Variants in NTPCR observed in about 807,000 individuals in gnomAD.
The protein encoded by NTPCR is cancer-related nucleoside-triphosphatase.
In NTPCR, 15 loss-of-function variants were observed where a neutral mutation model predicts 19.5. The ratio of observed to expected loss-of-function variants is 0.77; its 90% CI spans 0.51 to 1.18. The LOEUF (loss-of-function observed/expected upper bound fraction) is 1.18, where lower values mean the gene tolerates loss of function less well. NTPCR is among the 50% of genes most tolerant of loss of function. The probability of loss-of-function intolerance (pLI) is 0.00; values close to 1 mark genes in which losing one functional copy is unlikely to be tolerated. For synonymous variants in NTPCR, 90 were observed against 95.8 expected (o/e 0.94, Z 0.36); for missense variants, 206 against 240.4 (o/e 0.86, Z 0.95).
intron 3 of NTPCR, among the ~76,000 whole-genome samples, chr1:232,957,707 A>G (rs1472446805): frequency 1.3e-5 from 2 of 152,246 alleles, no homozygotes; most frequent in East Asian, 3.8e-4. Flanking sequence ...CATGAACAAA[A>G]CAGACATGTT....
At chr1:232,973,767 C>T (rs1025086319) in intron 4 of NTPCR, among the ~76,000 whole-genome samples, 3 of 152,094 alleles carry the variant, frequency 2.0e-5, no homozygotes, top group African/African-American at 7.2e-5. Context: ...TAGAACTATA[C>T]AATAGCCAAT....
intron 4 of NTPCR, among the ~76,000 whole-genome samples, chr1:232,971,385 C>T (rs1668973835): frequency 6.6e-6 from 1 of 152,184 alleles, no homozygotes; most frequent in South Asian, 2.1e-4. Context: ...TGAAATGTCA[C>T]CTTGGCCCAC....
At chr1:232,975,470 A>G (rs1375871034) in intron 4 of NTPCR, among the ~76,000 whole-genome samples, 1 of 152,216 alleles carries the variant, frequency 6.6e-6, no homozygotes, top group Non-Finnish European at 1.5e-5. Context: ...ACATGGATGG[A>G]GCAGGCAGGG....
chr1:232,978,043 T>C lies in NTPCR; in HGVS notation c.505-120T>C, dbSNP rs145994299. Reference sequence around the variant, plus strand: ...TGAAGAGCTGGGCCTCCTGCCTGGGTAACAAAACATACCTCACCCTCTCCC... The same window carrying C: ...TGAAGAGCTGGGCCTCCTGCCTGGGCAACAAAACATACCTCACCCTCTCCC... On this transcript the variant is annotated intron_variant, in intron 4 of 4. Transcript: ENST00000366628. 4.9e-4 allele frequency: 363 copies of C among 733,600 alleles called. 1 individual carries two copies. In the East Asian group the frequency reaches 8.1e-3, roughly 16 times the overall value. The allele number at this position is 733,600 out of a possible 1,614,324, so 45.4% of individuals were successfully genotyped here.
At chr1:232,970,312 A>AT (rs1228123680) in intron 4 of NTPCR, among the ~76,000 whole-genome samples, 194 bp downstream of exon 4, 4 of 152,132 alleles carry the variant, frequency 2.6e-5, no homozygotes, top group Non-Finnish European at 5.9e-5. Flanking sequence ...AAACTCGCTT[A>AT]TGGGGGGGCC....
rs1218443205 is a variant in NTPCR at position 232,980,400 on chromosome 1, A to C, written c.*2169A>C. On this transcript the variant is annotated 3_prime_UTR_variant, in exon 5 of 5. Coordinates refer to ENST00000366628, the MANE Select transcript of NTPCR (RefSeq NM_032324.3). The stretch of plus-strand genomic sequence containing the variant: ...CCACGTCTGCGTGGCTCCAAAGTTC[A>C]CTCTTTCATCACTCCCTGCTGCGTC... 2.0e-5 allele frequency: 3 copies of C among 152,020 alleles called. No individual in the cohort carries two copies. The highest frequency in any genetic ancestry group is 7.3e-5 in the African/African-American group (3 of 41,366). The allele number at this position is 152,020 out of a possible 1,614,324, so 9.4% of individuals were successfully genotyped here. A position where few individuals can be genotyped will look rare whatever the true frequency, so the allele number is the denominator to read the frequency against.
intron 3 of NTPCR, 52 bp from the exon 4 acceptor site, chr1:232,969,857 C>T: frequency 6.9e-7 from 1 of 1,452,850 alleles, no homozygotes; most frequent in Non-Finnish European, 9.7e-7. Flanking sequence ...ACCCATGGGC[C>T]CTTTGATTAA....
At chr1:232,963,028 C>T (rs536758791) in intron 3 of NTPCR, 188 of 152,306 alleles carry the variant, frequency 1.2e-3, no homozygotes, top group African/African-American at 4.3e-3. Context: ...TGACAAGCTC[C>T]TCAGCATTGC....
Position 232,978,153 on chromosome 1 carries a change from C to T in NTPCR, c.505-10C>T, listed in dbSNP as rs374865937. Reference sequence around the variant, plus strand: ...AGCTCTGAAGCCTGTTCTCTCACTTCTTCCCACAGGTCACCAAGGAAAACA... The same window carrying T: ...AGCTCTGAAGCCTGTTCTCTCACTTTTTCCCACAGGTCACCAAGGAAAACA... On this transcript the variant is annotated splice_polypyrimidine_tract_variant and intron_variant, in intron 4 of 4. Coordinates refer to ENST00000366628, the MANE Select transcript of NTPCR (RefSeq NM_032324.3). The T allele has an allele frequency of 1.6e-4, 250 of 1,612,556 alleles. 1 individual carries two copies. Among genetic ancestry groups the T allele is most frequent in the Admixed American group, 8.3e-5 (5 of 60,024 alleles).
intron 3 of NTPCR, chr1:232,965,778 C>T (rs1348770959): frequency 6.6e-6 from 1 of 152,198 alleles, no homozygotes; most frequent in African/African-American, 2.4e-5. Flanking sequence ...CCCAAGATAG[C>T]TTGGAAAACC....
At chr1:232,953,724 A>G (rs907610855) in intron 1 of NTPCR, among the ~76,000 whole-genome samples, 3 of 151,814 alleles carry the variant, frequency 2.0e-5, no homozygotes, top group African/African-American at 7.3e-5. Flanking sequence ...TTTTTTCTGT[A>G]GACACGTACT....
intron 3 of NTPCR, chr1:232,963,703 T>A (rs1007495972): frequency 6.6e-6 from 1 of 152,196 alleles, no homozygotes; most frequent in Non-Finnish European, 1.5e-5. Context: ...ACAATTTTTT[T>A]AACTTCATTT....
intron 1 of NTPCR, among the ~76,000 whole-genome samples, chr1:232,952,373 G>C (rs1668389851): frequency 6.6e-6 from 1 of 150,434 alleles, no homozygotes; most frequent in Non-Finnish European, 1.5e-5. Context: ...CCACACCCGG[G>C]TATTTTTTTT....
At chr1:232,967,567 A>G (rs1668855464) in intron 3 of NTPCR, 1 of 152,218 alleles carries the variant, frequency 6.6e-6, no homozygotes, top group African/African-American at 2.4e-5. Flanking sequence ...TGAATGTTCT[A>G]GAGGATTGCA....
At chr1:232,957,818 T>A (rs1194296688) in intron 3 of NTPCR, among the ~76,000 whole-genome samples, 1 of 152,138 alleles carries the variant, frequency 6.6e-6, no homozygotes, top group African/African-American at 2.4e-5. Flanking sequence ...AACAGGGTGC[T>A]ATGAAAGGGA....
chr1:232,973,197 T>A lies in NTPCR; in HGVS notation c.504+3079T>A, dbSNP rs373215132. ...TTATCTAGACTTATTCTTCACAATG[T>A]TGGGTGAACAGAGTACTTTCCAATG... On this transcript the variant is annotated intron_variant, in intron 4 of 4. Coordinates refer to ENST00000366628, the MANE Select transcript of NTPCR (RefSeq NM_032324.3). Among the ~76,000 whole-genome samples the A allele has an allele frequency of 2.2e-3, 333 of 152,266 alleles. 2 individuals carry two copies. Among genetic ancestry groups the A allele is most frequent in the African/African-American group, 7.6e-3 (315 of 41,534 alleles).
rs1296451764 is a variant in NTPCR, at chr1:232,979,412, G to C, written c.*1181G>C. ...GCTGGGCACTGGGGCACAGTGAATG[G>C]GGCGGGAGGGGCTCACATCAAAACC... On this transcript the variant is annotated 3_prime_UTR_variant, in exon 5 of 5. Coordinates refer to ENST00000366628, the MANE Select transcript of NTPCR (RefSeq NM_032324.3). The surrounding 1 kb of genome is among the most constrained non-coding windows in gnomAD (Gnocchi z 5.3). 1 of 152,308 alleles carries C rather than the reference G, an allele frequency of 6.6e-6. No individual in the cohort carries two copies. Among genetic ancestry groups the C allele is most frequent in the East Asian group, 1.9e-4 (1 of 5,194 alleles). 9.4% of individuals were successfully genotyped at this position (152,308 alleles called of 1,614,324 possible). A position where few individuals can be genotyped will look rare whatever the true frequency, so the allele number is the denominator to read the frequency against.
rs1668847512 is a variant in NTPCR, at chr1:232,967,282, C to G, written c.295-2627C>G. ...ATCTTGTACTATTTAGAAAAGCAGG[C>G]TGAGTGTCTACATGCTTCAGAGTGG... On this transcript the variant is annotated intron_variant, in intron 3 of 4. Transcript: ENST00000366628. 2.0e-5 allele frequency: 3 copies of G among 152,098 alleles called. No individual in the cohort carries two copies. In the South Asian group the frequency reaches 6.2e-4, roughly 31 times the overall value. The allele number at this position is 152,098 out of a possible 1,614,324, so 9.4% of individuals were successfully genotyped here.
Position 232,976,735 on chromosome 1 carries a change from G to A in NTPCR, c.505-1428G>A, listed in dbSNP as rs984468979. On this transcript the variant is annotated intron_variant, in intron 4 of 4. Coordinates refer to ENST00000366628, the MANE Select transcript of NTPCR (RefSeq NM_032324.3). ...CCAGGACCGGTAGAAATGGGATCAC[G>A]GGACTGACGCAGCCAGGACCAGTAG... is the stretch of plus-strand genomic sequence containing the variant. 17 of 621,670 alleles carry A rather than the reference G, an allele frequency of 2.7e-5. 1 individual carries two copies. Among genetic ancestry groups the A allele is most frequent in the African/African-American group, 1.3e-4 (7 of 53,898 alleles). 38.5% of individuals were successfully genotyped at this position (621,670 alleles called of 1,614,324 possible).
Sources: allele counts gnomAD v4.1 joint callset (sites outside exome capture counted in the v4.1 genomes callset), GRCh38; gene constraint gnomAD v4.1.1; non-coding constraint Gnocchi (gnomAD v3.1); transcripts MANE v1.5; gene names NCBI Gene and HGNC (gene_info 2026-07-23, HGNC 2026-07-21).